The following CSMD2 variants were observed in gnomAD, a reference collection of about 807,000 sequenced individuals.
The protein encoded by CSMD2 is CUB and sushi domain-containing protein 2.
A neutral mutation model predicts 398.5 loss-of-function variants in CSMD2; 130 were observed. The ratio of observed to expected loss-of-function variants is 0.33; its 90% CI spans 0.28 to 0.38. CSMD2 has a LOEUF of 0.38. CSMD2 is among the 10% of genes least tolerant of loss of function. The pLI, the probability that CSMD2 is intolerant of heterozygous loss-of-function variation, is 1.00. For missense variants in CSMD2, 3,829 were observed against 4,764.9 expected (o/e 0.80, Z 5.78); for synonymous variants, 1,828 against 1,908.5 (o/e 0.96, Z 1.10).
chr1:33,752,315 G>T (rs1220648776), intron 13 of CSMD2, among the ~76,000 whole-genome samples: 1 of 152,208 alleles, frequency 6.6e-6, no homozygotes, highest in Admixed American at 6.5e-5. Context: ...CCTTGGTGAT[G>T]AGTGAATTTT....
Position 33,616,948 on chromosome 1 carries a change from C to G in CSMD2, c.5974G>C (p.Gly1992Arg). The G allele has an allele frequency of 6.2e-7, 1 of 1,614,098 alleles. No homozygotes were observed. Among genetic ancestry groups the G allele is most frequent in the Non-Finnish European group, 8.5e-7 (1 of 1,180,012 alleles). Reference sequence around the variant, plus strand: ...GGGTAGTTCCATCGCCGCACTGTTCCGGGCATGCAGGAGATGTGGGCGTGG... The same window carrying G: ...GGGTAGTTCCATCGCCGCACTGTTCGGGGCATGCAGGAGATGTGGGCGTGG... The part of the protein sequence containing the change: ...QGHAHISCMP[G>R]TVRRWNYPPP... Residue 1992 changes from glycine to arginine, a missense_variant, in exon 39 of 71, where the codon GGA (glycine) becomes CGA (arginine). By Grantham distance (125) the Gly-to-Arg change is moderately radical (BLOSUM62 -2). Coordinates refer to ENST00000373381, the MANE Select transcript of CSMD2 (RefSeq NM_001281956.2).
intron 13 of CSMD2, among the ~76,000 whole-genome samples, chr1:33,771,224 G>C (rs1273694214): frequency 1.3e-5 from 2 of 152,148 alleles, no homozygotes; most frequent in Non-Finnish European, 2.9e-5. Flanking sequence ...CTCAGGCCCT[G>C]CTTCTGCAGA....
rs528652206 is a variant in CSMD2 at position 33,752,639 on chromosome 1, T to A, written c.1847-9033A>T. 3.3e-5 allele frequency among the ~76,000 whole-genome samples: 5 copies of A among 152,328 alleles called. No homozygotes were observed. The East Asian group carries it at 9.6e-4, about 29-fold the overall frequency. ...TGTTACTATAAGATACCTGATGATGTGGAAGCAGCTTTGGAACTGGGTAAC... is the reference window on the plus strand; with the variant it reads ...TGTTACTATAAGATACCTGATGATGAGGAAGCAGCTTTGGAACTGGGTAAC... On this transcript the variant is annotated intron_variant, in intron 13 of 70. Transcript: ENST00000373381.
chr1:33,985,139 C>T (rs998978496), intron 3 of CSMD2, among the ~76,000 whole-genome samples: 1 of 152,198 alleles, frequency 6.6e-6, no homozygotes, highest in Non-Finnish European at 1.5e-5. Flanking sequence ...AAGGCTTCAC[C>T]AGCAGGTCGA....
At chr1:34,096,110 G>A (rs972428043) in intron 1 of CSMD2, among the ~76,000 whole-genome samples, 16 of 151,984 alleles carry the variant, frequency 1.1e-4, no homozygotes, top group African/African-American at 2.4e-4. Context: ...TTCAATATAC[G>A]CAAATCAATA....
At chr1:33,885,940 G>A (rs977599793) in intron 5 of CSMD2, among the ~76,000 whole-genome samples, 1 of 152,074 alleles carries the variant, frequency 6.6e-6, no homozygotes. Context: ...ATGTGTCAAA[G>A]GGGAATGAAA....
chr1:33,991,896 G>GA lies in CSMD2; in HGVS notation c.517+40697dup, dbSNP rs199739420. Among the ~76,000 whole-genome samples, 1,056 of 149,558 alleles carry GA rather than the reference G, an allele frequency of 7.1e-3. 21 individuals carry two copies. The highest frequency in any genetic ancestry group is 0.025 in the African/African-American group (1,002 of 40,644). ...ATAAAAAAAAAGCAAATACCCAACA[G>GA]AAAAAAAATGGGCAGGAGATATGAA... On this transcript the variant is annotated intron_variant, in intron 3 of 70. Transcript: ENST00000373381.
chr1:33,932,514 C>T (rs190517413), intron 4 of CSMD2, among the ~76,000 whole-genome samples: 101 of 152,262 alleles, frequency 6.6e-4, no homozygotes, highest in African/African-American at 2.2e-3. Context: ...CGCCCAGGCC[C>T]ATGAATTACT....
chr1:34,158,503 TG>T (rs1328805213), intron 1 of CSMD2, among the ~76,000 whole-genome samples: 1 of 152,146 alleles, frequency 6.6e-6, no homozygotes, highest in African/African-American at 2.4e-5. Flanking sequence ...GCTGGGTTGA[TG>T]GGTTGAGTGA....
At chr1:34,120,961 G>A (rs186421284) in intron 1 of CSMD2, among the ~76,000 whole-genome samples, 2 of 152,228 alleles carry the variant, frequency 1.3e-5, no homozygotes, top group East Asian at 3.9e-4. Flanking sequence ...TTTTTTAGGA[G>A]CTCTTACCAC....
intron 57 of CSMD2, among the ~76,000 whole-genome samples, chr1:33,543,234 A>T (rs191278466): frequency 2.6e-4 from 39 of 152,176 alleles, no homozygotes; most frequent in Admixed American, 2.2e-3. Flanking sequence ...TTAACAGTTG[A>T]TTTGTTTGAA....
chr1:33,799,166 T>C (rs1190632067), intron 10 of CSMD2, among the ~76,000 whole-genome samples: 3 of 152,224 alleles, frequency 2.0e-5, no homozygotes, highest in African/African-American at 7.2e-5. Flanking sequence ...CCTGTGGACT[T>C]TGGAGTTAAG....
At chr1:33,970,052 G>A (rs1645701122) in intron 3 of CSMD2, among the ~76,000 whole-genome samples, 1 of 150,468 alleles carries the variant, frequency 6.6e-6, no homozygotes. Flanking sequence ...GTTGCAGTAA[G>A]CCGAGATCAC....
intron 2 of CSMD2, among the ~76,000 whole-genome samples, chr1:34,075,677 G>T (rs762103946): frequency 7.9e-5 from 12 of 152,132 alleles, no homozygotes; most frequent in Non-Finnish European, 1.5e-4. Flanking sequence ...CCAATATACG[G>T]GATGCAGTTT....
chr1:33,977,392 C>T (rs913071484), intron 3 of CSMD2, among the ~76,000 whole-genome samples: 2 of 151,888 alleles, frequency 1.3e-5, no homozygotes, highest in African/African-American at 4.8e-5. Context: ...CAGGGCAGAA[C>T]AGGACCCTGT....
chr1:34,132,528 G>A (rs944706549), intron 1 of CSMD2, among the ~76,000 whole-genome samples: 2 of 152,226 alleles, frequency 1.3e-5, no homozygotes, highest in Non-Finnish European at 2.9e-5. Flanking sequence ...AGGATGCCCA[G>A]ATAGCTGGGA....
At chr1:34,135,242 TCACACACACACACACACACA>T (rs66898227) in intron 1 of CSMD2, among the ~76,000 whole-genome samples, 2,998 of 135,594 alleles carry the variant, frequency 0.022, 102 homozygotes, top group African/African-American at 0.077. Context: ...CATGTTGAAA[TCACACACACACACACACACA>T]CACACACACA....
intron 10 of CSMD2, among the ~76,000 whole-genome samples, chr1:33,810,263 G>C (rs916062159): frequency 1.3e-5 from 2 of 152,164 alleles, no homozygotes; most frequent in African/African-American, 2.4e-5. Flanking sequence ...CAATAACTTA[G>C]ATAAATCTTA....
intron 7 of CSMD2, among the ~76,000 whole-genome samples, chr1:33,822,843 G>A (rs912008449): frequency 1.3e-5 from 2 of 152,090 alleles, no homozygotes; most frequent in South Asian, 2.1e-4. Context: ...ACAGTGATCC[G>A]TCCCTACTGC....
Sources: allele counts gnomAD v4.1 joint callset (sites outside exome capture counted in the v4.1 genomes callset), GRCh38; gene constraint gnomAD v4.1.1; transcripts MANE v1.5; gene names NCBI Gene and HGNC (gene_info 2026-07-23, HGNC 2026-07-21).